The following DMXL1 variants were observed in gnomAD, a reference collection of about 807,000 sequenced individuals.
The protein encoded by DMXL1 is dmX-like protein 1.
In DMXL1, 99 loss-of-function variants were observed where a neutral mutation model predicts 319.2. The ratio of observed to expected loss-of-function variants is 0.31; its 90% CI spans 0.26 to 0.37. The LOEUF (loss-of-function observed/expected upper bound fraction) is 0.37, where lower values mean the gene tolerates loss of function less well. DMXL1 is among the 10% of genes least tolerant of loss of function. The pLI, the probability that DMXL1 is intolerant of heterozygous loss-of-function variation, is 1.00. For missense variants in DMXL1, 3,745 were observed against 3,595.6 expected, an observed-to-expected ratio of 1.04 and a Z score of -1.06; for synonymous variants, 1,385 against 1,235.2, an observed-to-expected ratio of 1.12 and a Z score of -2.54.
intron 28 of DMXL1, among the ~76,000 whole-genome samples, chr5:119,185,377 T>G (rs927371521): frequency 1.3e-5 from 2 of 152,214 alleles, no homozygotes; most frequent in African/African-American, 4.8e-5. Flanking sequence ...AGATATTTAT[T>G]ATTTCATTTT....
chr5:119,244,637 A>T (rs1278527976), intron 43 of DMXL1, 61 bp downstream of exon 43: 4 of 1,255,114 alleles, frequency 3.2e-6, no homozygotes, highest in Non-Finnish European at 4.6e-6. Flanking sequence ...TTAGCTCTTT[A>T]ATCGTATTGA....
At chr5:119,104,963 GTT>G (rs1417830286) in intron 3 of DMXL1, among the ~76,000 whole-genome samples, 1 of 152,270 alleles carries the variant, frequency 6.6e-6, no homozygotes, top group East Asian at 1.9e-4. Context: ...GTTATTGATT[GTT>G]TATACTAAAG....
intron 38 of DMXL1, among the ~76,000 whole-genome samples, chr5:119,225,989 T>G (rs962902283): frequency 6.6e-6 from 1 of 152,180 alleles, no homozygotes; most frequent in African/African-American, 2.4e-5. Context: ...GCAGTCTGGT[T>G]GGAAGTTTTC....
chr5:119,191,913 C>G (rs915210427), intron 29 of DMXL1, among the ~76,000 whole-genome samples: 2 of 152,148 alleles, frequency 1.3e-5, no homozygotes, highest in Non-Finnish European at 2.9e-5. Flanking sequence ...AAATACTTCT[C>G]TATGTGTTAT....
chr5:119,112,584 C>G (rs13169691), intron 5 of DMXL1, among the ~76,000 whole-genome samples: 15 of 152,176 alleles, frequency 9.9e-5, no homozygotes, highest in African/African-American at 2.9e-4. Context: ...GGAGCTCGTT[C>G]CATGTATTTT....
chr5:119,133,074 T>A, intron 10 of DMXL1, 58 bp from the exon 11 acceptor site: 1 of 1,576,844 alleles, frequency 6.3e-7, no homozygotes, highest in Non-Finnish European at 8.6e-7. Context: ...CGGTAATTCT[T>A]AATTTATAGT....
rs116271287 is a variant in DMXL1, at chr5:119,139,393, A to G, written c.2377-4448A>G. On this transcript the variant is annotated intron_variant, in intron 13 of 43. Transcript: ENST00000539542. ...CTTCAAGAGACCCCTCTCACATGTA[A>G]TGACACCCATAGGCTCAAAATAAAG... Among the ~76,000 whole-genome samples the G allele has an allele frequency of 1.3e-3, 194 of 152,312 alleles. 1 individual carries two copies. Among genetic ancestry groups the G allele is most frequent in the African/African-American group, 4.5e-3 (187 of 41,564 alleles).
rs747585826 is a variant in DMXL1, at chr5:119,150,363, A to G, written c.4536A>G (p.Leu1512=). The G allele has an allele frequency of 6.2e-7, 1 of 1,613,724 alleles. No individual in the cohort carries two copies. Among genetic ancestry groups the G allele is most frequent in the Non-Finnish European group, 8.5e-7 (1 of 1,179,790 alleles). ...SRMEQMSLMA[L]ADTIATTSTD... The stretch of plus-strand genomic sequence containing the variant: ...TGGAGCAGATGTCTTTGATGGCCTT[A>G]GCAGATACAATTGCAACTACAAGCA... Residue 1512 remains leucine (L), a synonymous_variant, in exon 18 of 44, where the codon TTA becomes TTG. Transcript: ENST00000539542.
chr5:119,109,420 C>G (rs533923250), intron 4 of DMXL1, among the ~76,000 whole-genome samples: 1 of 152,200 alleles, frequency 6.6e-6, no homozygotes, highest in South Asian at 2.1e-4. Context: ...TGTAACAACT[C>G]CCCCACAATC....
chr5:119,101,798 A>G (rs1368507354), intron 2 of DMXL1, 137 bp from the exon 3 acceptor site: 2 of 647,392 alleles, frequency 3.1e-6, no homozygotes, highest in Non-Finnish European at 5.4e-6. Context: ...TAGTCTTCAA[A>G]ACTGACATTC....
chr5:119,160,304 A>G (rs1771999885), intron 19 of DMXL1, among the ~76,000 whole-genome samples: 2 of 152,050 alleles, frequency 1.3e-5, no homozygotes, highest in South Asian at 2.1e-4. Context: ...TTGTTTTTTC[A>G]GGAGCATGTT....
rs1260943671 is a variant in DMXL1, at chr5:119,248,606, A to AT, written c.*1389dup. Reference sequence around the variant, plus strand: ...TTTATGTAATAAAATATGGGCAACGATTATCTTGGAAATTAAAGAGTCAAA... The same window carrying AT: ...TTTATGTAATAAAATATGGGCAACGATTTATCTTGGAAATTAAAGAGTCAAA... On this transcript the variant is annotated 3_prime_UTR_variant, in exon 44 of 44. Coordinates refer to ENST00000539542, the MANE Select transcript of DMXL1 (RefSeq NM_001290321.3). The AT allele has an allele frequency of 6.6e-6, 1 of 152,506 alleles. No homozygotes were observed. Among genetic ancestry groups the AT allele is most frequent in the African/African-American group, 2.4e-5 (1 of 41,454 alleles). The allele number at this position is 152,506 out of a possible 1,614,324, so 9.4% of individuals were successfully genotyped here.
rs567675552 is a variant in DMXL1, at chr5:119,165,300, A to G, written c.4970+20A>G. 7.4e-5 allele frequency: 101 copies of G among 1,358,460 alleles called. No individual in the cohort carries two copies. In the African/African-American group the frequency reaches 1.3e-3, roughly 18 times the overall value. The allele number at this position is 1,358,460 out of a possible 1,614,324, so 84.2% of individuals were successfully genotyped here. ...ATATAGGTAGGTAAAAAAAAAAAAA[A>G]AAAAGGGTGCTTCAATGTGAAAACC... On this transcript the variant is annotated intron_variant, in intron 21 of 43. Coordinates refer to ENST00000539542, the MANE Select transcript of DMXL1 (RefSeq NM_001290321.3).
At chr5:119,107,168 C>T (rs1276418123) in intron 4 of DMXL1, among the ~76,000 whole-genome samples, 1 of 151,832 alleles carries the variant, frequency 6.6e-6, no homozygotes, top group Non-Finnish European at 1.5e-5. Flanking sequence ...GAGACTCCAT[C>T]TCTACAAAAA....
chr5:119,150,213 TGAA>T lies in DMXL1; in HGVS notation c.4390_4392del (p.Glu1464del), dbSNP rs1254200996. On this transcript the variant is annotated inframe_deletion, in exon 18 of 44. Transcript: ENST00000539542. ...CTGATACTCATATGTTAGAGACAGA[TGAA>T]GAAAATACAAAGCCTAGAGTTATTG... The T allele has an allele frequency of 8.7e-6, 14 of 1,613,656 alleles. No homozygotes were observed. The East Asian group carries it at 3.1e-4, about 36-fold the overall frequency.
intron 7 of DMXL1, 24 bp downstream of exon 7, chr5:119,116,360 C>T: frequency 6.2e-7 from 1 of 1,604,512 alleles, no homozygotes; most frequent in Admixed American, 1.7e-5. Flanking sequence ...TCATTTCCCT[C>T]CACATATTAA....
At chr5:119,147,176 G>T in intron 16 of DMXL1, 73 bp from the exon 17 acceptor site, 1 of 1,351,568 alleles carries the variant, frequency 7.4e-7, no homozygotes, top group Non-Finnish European at 1.0e-6. Context: ...GTTTTGGATT[G>T]TAAAATGTAA....
At chr5:119,121,272 T>TC in intron 9 of DMXL1, 133 bp downstream of exon 9, 1 of 689,336 alleles carries the variant, frequency 1.5e-6, no homozygotes, top group Non-Finnish European at 2.1e-6. Context: ...CTTTTTTTTT[T>TC]CTTTTTTTTT....
At chr5:119,166,814 C>T in intron 22 of DMXL1, 33 bp downstream of exon 22, 1 of 1,545,448 alleles carries the variant, frequency 6.5e-7, no homozygotes, top group Non-Finnish European at 8.7e-7. Context: ...CAAAGTATAG[C>T]AATGTCATCT....
Sources: gnomAD v4.1 joint callset for allele counts (sites outside exome capture counted in the v4.1 genomes callset) on GRCh38, gnomAD v4.1.1 for gene constraint, MANE v1.5 for transcripts, NCBI Gene and HGNC (gene_info 2026-07-23, HGNC 2026-07-21) for gene names.